The following MYO1C variants were observed in gnomAD, a reference collection of about 807,000 sequenced individuals.
MYO1C encodes the protein myosin IC, also known as unconventional myosin-Ic.
In MYO1C, 104 loss-of-function variants were observed where a neutral mutation model predicts 150.8. The observed-to-expected ratio is 0.69, with a 90% CI of 0.59 to 0.81. The LOEUF (loss-of-function observed/expected upper bound fraction) is 0.81, where lower values mean the gene tolerates loss of function less well. Among genes scored for constraint, MYO1C ranks in the 30% least tolerant of loss-of-function variants. The probability of loss-of-function intolerance (pLI) is 0.00; values close to 1 mark genes in which losing one functional copy is unlikely to be tolerated. For synonymous variants in MYO1C, 663 were observed against 579.9 expected (o/e 1.14, Z -2.06); for missense variants, 1,504 against 1,435.0 (o/e 1.05, Z -0.78).
At chr17:1,466,153 CTTTT>C (rs71148490) in intron 31 of MYO1C, among the ~76,000 whole-genome samples, 62 of 91,594 alleles carry the variant, frequency 6.8e-4, no homozygotes, top group African/African-American at 1.3e-3. Flanking sequence ...GCCGTGCTGC[CTTTT>C]TTTTTTTTTT....
At chr17:1,467,099 T>G (rs1167934641) in intron 31 of MYO1C, 143 bp downstream of exon 31, 1 of 796,908 alleles carries the variant, frequency 1.3e-6, no homozygotes, top group African/African-American at 1.7e-5. Context: ...CTGGCCCTCA[T>G]GGGTGGGCCA....
chr17:1,492,644 G>A lies in MYO1C; in HGVS notation c.-157C>T. The A allele has an allele frequency of 1.4e-6, 1 of 706,182 alleles. No homozygotes were observed. Among genetic ancestry groups the A allele is most frequent in the Non-Finnish European group, 2.5e-6 (1 of 401,980 alleles). 43.7% of individuals were successfully genotyped at this position (706,182 alleles called of 1,614,324 possible). ...TTCAACTGCAGCCCCAGGGGATGTGGCTGGTCCAGCTCCTCAGGACACGGC... is the reference window on the plus strand; with the variant it reads ...TTCAACTGCAGCCCCAGGGGATGTGACTGGTCCAGCTCCTCAGGACACGGC... On this transcript the variant is annotated 5_prime_UTR_variant, in exon 1 of 32. Coordinates refer to ENST00000648651, the MANE Select transcript of MYO1C (RefSeq NM_001080779.2).
At position 1,470,597 on chromosome 17, in the gene MYO1C, C is replaced by G. The variant is rs780278437; in HGVS notation, c.2281+24G>C. The G allele has an allele frequency of 3.7e-6, 6 of 1,608,892 alleles. No homozygotes were observed. The Admixed American group carries it at 1.0e-4, about 27-fold the overall frequency. On this transcript the variant is annotated intron_variant, in intron 22 of 31. Transcript: ENST00000648651. ...CCCCTGGCCCCAGACCCCGCCCCTC[C>G]TGAACACCCATGGGCCCGCGAACCT...
intron 1 of MYO1C, among the ~76,000 whole-genome samples, chr17:1,488,702 CCT>C (rs957596872): frequency 3.3e-5 from 5 of 152,216 alleles, no homozygotes; most frequent in African/African-American, 1.2e-4. Flanking sequence ...CGTTCAGGCC[CCT>C]GTCGGTGTCG....
rs574584589 is a variant in MYO1C at position 1,491,705 on chromosome 17, G to T, written c.75+708C>A. ...CCCGCCCAGGGCCCGCCGGGGGCCGGGCCGCAGCCTGTCGTCATCCCGGGC... is the reference window on the plus strand; with the variant it reads ...CCCGCCCAGGGCCCGCCGGGGGCCGTGCCGCAGCCTGTCGTCATCCCGGGC... On this transcript the variant is annotated intron_variant, in intron 1 of 31. Transcript: ENST00000648651. 47 of 956,446 alleles carry T rather than the reference G, an allele frequency of 4.9e-5. No individual in the cohort carries two copies. In the South Asian group the frequency reaches 2.2e-3, roughly 45 times the overall value. The allele number at this position is 956,446 out of a possible 1,614,324, so 59.2% of individuals were successfully genotyped here.
At chr17:1,482,634 T>TGCCCC (rs1213087067) in intron 4 of MYO1C, 76 bp from the exon 5 acceptor site, 2 of 633,508 alleles carry the variant, frequency 3.2e-6, no homozygotes, top group Non-Finnish European at 4.4e-6. Flanking sequence ...TAGCTACTGC[T>TGCCCC]GCCCCTCCCC....
In MYO1C at chr17:1,491,376, T is replaced by TC. The variant is rs1411231576; in HGVS notation, c.75+1036dup. The TC allele has an allele frequency of 2.6e-5, 4 of 155,312 alleles. No homozygotes were observed. In the Admixed American group the frequency reaches 2.6e-4, roughly 10 times the overall value. The allele number at this position is 155,312 out of a possible 1,614,324, so 9.6% of individuals were successfully genotyped here. On this transcript the variant is annotated intron_variant, in intron 1 of 31. Coordinates refer to ENST00000648651, the MANE Select transcript of MYO1C (RefSeq NM_001080779.2). Reference sequence around the variant, plus strand: ...TGGGTCCTGCAGCCCAGGCCGCTCTTCCCCGCCTCCCGCTCCCCGCAGGTA... The same window carrying TC: ...TGGGTCCTGCAGCCCAGGCCGCTCTTCCCCCGCCTCCCGCTCCCCGCAGGTA...
chr17:1,481,215 C>T (rs1464746314), intron 5 of MYO1C: 1 of 347,548 alleles, frequency 2.9e-6, no homozygotes, highest in Non-Finnish European at 5.4e-6. Context: ...TCAGTGGTGA[C>T]TACATCCTTC....
At chr17:1,467,446 C>G in intron 30 of MYO1C, 34 bp downstream of exon 30, 1 of 1,609,234 alleles carries the variant, frequency 6.2e-7, no homozygotes, top group Non-Finnish European at 8.5e-7. Flanking sequence ...CCTCGCCACC[C>G]CCGCCCTGTC....
chr17:1,477,770 G>C (rs940383807), intron 13 of MYO1C, 121 bp downstream of exon 13: 1 of 1,095,160 alleles, frequency 9.1e-7, no homozygotes, highest in Non-Finnish European at 1.4e-6. Context: ...TCACAGCTCT[G>C]CCCTGTCTCT....
In MYO1C at chr17:1,468,119, G is replaced by A. The variant is rs1223721741; in HGVS notation, c.2765C>T (p.Ala922Val). The A allele has an allele frequency of 6.2e-6, 10 of 1,613,336 alleles. No homozygotes were observed. The highest frequency in any genetic ancestry group is 3.3e-4 in the Middle Eastern group (2 of 6,060). ...QALGSEPIQY[A>V]VPVVKYDRKG... ...GCGGTCGTATTTCACAACAGGCACC[G>A]CATACTGGGGACAGAGGCCAGGCTG... Residue 922 changes from alanine to valine, a missense_variant, in exon 28 of 32, where the codon GCG (alanine) becomes GTG (valine). Transcript: ENST00000648651.
rs1350587764 is a variant in MYO1C at position 1,471,896 on chromosome 17, C to T, written c.2021+11G>A. ...TCCCCTTCCCTGGCACCGAGCAGGACCTGCCCCCACCTTTGCAGGAAAGCT... is the reference window on the plus strand; with the variant it reads ...TCCCCTTCCCTGGCACCGAGCAGGATCTGCCCCCACCTTTGCAGGAAAGCT... On this transcript the variant is annotated intron_variant, in intron 19 of 31. Coordinates refer to ENST00000648651, the MANE Select transcript of MYO1C (RefSeq NM_001080779.2). 2 of 1,613,716 alleles carry T rather than the reference C, an allele frequency of 1.2e-6. No individual in the cohort carries two copies. The highest frequency in any genetic ancestry group is 1.7e-6 in the Non-Finnish European group (2 of 1,179,696).
At chr17:1,481,581 C>G (rs542430833) in intron 5 of MYO1C, among the ~76,000 whole-genome samples, 1 of 152,038 alleles carries the variant, frequency 6.6e-6, no homozygotes, top group East Asian at 1.9e-4. Context: ...GTTCACTGCA[C>G]CCTCGAACTC....
chr17:1,491,789 A>C, intron 1 of MYO1C: 6 of 403,914 alleles, frequency 1.5e-5, no homozygotes, highest in Non-Finnish European at 2.0e-5. Context: ...GCGTCCGCGA[A>C]GCCTCGGTGC....
chr17:1,491,691 C>G, intron 1 of MYO1C: 1 of 975,586 alleles, frequency 1.0e-6, no homozygotes, highest in Non-Finnish European at 1.2e-6. Context: ...CCGCCCAGGG[C>G]CCGCCGGGGG....
chr17:1,473,528 G>T lies in MYO1C; in HGVS notation c.1797+1082C>A, dbSNP rs1217083211. Among the ~76,000 whole-genome samples, 3 of 152,140 alleles carry T rather than the reference G, an allele frequency of 2.0e-5. No individual in the cohort carries two copies. In the East Asian group the frequency reaches 5.8e-4, roughly 29 times the overall value. ...CCACACCCTGGGCAGCATGTCGCCT[G>T]CATGCCCTCCCTGCCAGGCAGTCTG... is the stretch of plus-strand genomic sequence containing the variant. On this transcript the variant is annotated intron_variant, in intron 17 of 31. Transcript: ENST00000648651.
At chr17:1,471,420 G>A in intron 19 of MYO1C, 84 bp from the exon 20 acceptor site, 1 of 1,120,444 alleles carries the variant, frequency 8.9e-7, no homozygotes, top group Non-Finnish European at 1.3e-6. Flanking sequence ...GGCACCTGCT[G>A]GGTGCTCCCA....
chr17:1,490,775 G>A (rs2074720333), intron 1 of MYO1C, among the ~76,000 whole-genome samples: 1 of 151,538 alleles, frequency 6.6e-6, no homozygotes, highest in African/African-American at 2.4e-5. Context: ...TTACCCCACT[G>A]CTCCTGCATT....
At chr17:1,469,376 G>A (rs916623586) in intron 25 of MYO1C, 155 bp downstream of exon 25, 19 of 720,396 alleles carry the variant, frequency 2.6e-5, no homozygotes, top group Middle Eastern at 3.6e-4. Context: ...AAATAGAGTA[G>A]ACCAGGGTAA....
Sources: gnomAD v4.1 joint callset for allele counts (sites outside exome capture counted in the v4.1 genomes callset) on GRCh38, gnomAD v4.1.1 for gene constraint, MANE v1.5 for transcripts, NCBI Gene and HGNC (gene_info 2026-07-23, HGNC 2026-07-21) for gene names.